ALOX5AP: variants seen among roughly 807,000 people sequenced by gnomAD.
ALOX5AP encodes arachidonate 5-lipoxygenase-activating protein.
A neutral mutation model predicts 18.5 loss-of-function variants in ALOX5AP; 9 were observed. The observed-to-expected ratio is 0.49, with a 90% confidence interval of 0.29 to 0.85. The LOEUF is 0.85. ALOX5AP is among the 40% of genes least tolerant of loss of function. The pLI is 0.08. For missense variants in ALOX5AP, 172 were observed against 202.5 expected (o/e 0.85, Z 0.91); for synonymous variants, 81 against 78.6 (o/e 1.03, Z -0.16).
At chr13:30,713,662 C>A (rs1261264056) in exon 1 of ALOX5AP, 5 of 1,197,078 alleles carry the variant, frequency 4.2e-6, no homozygotes, top group Non-Finnish European at 5.9e-6. Flanking sequence ...CTGGACAATT[C>A]TGCAAGAACT....
exon 1 of ALOX5AP, chr13:30,713,784 A>C (rs2137780025): frequency 6.5e-7 from 1 of 1,535,718 alleles, no homozygotes; most frequent in Non-Finnish European, 8.7e-7. Flanking sequence ...AAAACTTCTG[A>C]ATTTGGGAAA....
intron 4 of ALOX5AP, among the ~76,000 whole-genome samples, chr13:30,761,727 G>A (rs923593412): frequency 1.3e-5 from 2 of 152,158 alleles, no homozygotes; most frequent in African/African-American, 4.8e-5. Flanking sequence ...GGCTTATAGA[G>A]TGCCACCTTC....
chr13:30,723,942 A>C (rs1411931812), intron 1 of ALOX5AP, among the ~76,000 whole-genome samples: 1 of 152,182 alleles, frequency 6.6e-6, no homozygotes, highest in Non-Finnish European at 1.5e-5. Context: ...ATTTTATTGA[A>C]GTATAAGTTA....
At chr13:30,754,972 A>C (rs942235317) in intron 3 of ALOX5AP, among the ~76,000 whole-genome samples, 5 of 152,226 alleles carry the variant, frequency 3.3e-5, no homozygotes, top group Admixed American at 3.3e-4. Flanking sequence ...GAAGTGTTTA[A>C]ATTGCTTTTA....
chr13:30,760,133 G>A (rs556443372), intron 4 of ALOX5AP, among the ~76,000 whole-genome samples: 2 of 152,212 alleles, frequency 1.3e-5, no homozygotes, highest in South Asian at 4.1e-4. Flanking sequence ...TTTCTTTAGA[G>A]GTCACCAGGC....
At position 30,736,769 on chromosome 13, in the gene ALOX5AP, C is replaced by T. The variant is rs143846201; in HGVS notation, c.70+1094C>T. Among the ~76,000 whole-genome samples, 17 of 152,286 alleles carry T rather than the reference C, an allele frequency of 1.1e-4. No homozygotes were observed. In the East Asian group the frequency reaches 3.3e-3, roughly 29 times the overall value. ...AGAACTACACTTTGTGGCTTTCTGA[C>T]CCAAACATTTTTATACTAAATTACA... On this transcript the variant is annotated intron_variant, in intron 1 of 4. Transcript: ENST00000380490.
intron 4 of ALOX5AP, among the ~76,000 whole-genome samples, chr13:30,756,623 A>T (rs1951896433): frequency 6.6e-6 from 1 of 152,080 alleles, no homozygotes; most frequent in Non-Finnish European, 1.5e-5. Context: ...AGCCTGGCCA[A>T]CATGGTGAAA....
intron 4 of ALOX5AP, among the ~76,000 whole-genome samples, chr13:30,757,338 G>A (rs1359818009): frequency 2.6e-5 from 4 of 152,164 alleles, no homozygotes; most frequent in African/African-American, 9.7e-5. Context: ...CCGGGCTGCA[G>A]CTGGAAAAAG....
intron 3 of ALOX5AP, 140 bp from the exon 4 acceptor site, chr13:30,755,804 T>C: frequency 4.1e-6 from 3 of 726,898 alleles, no homozygotes; most frequent in Non-Finnish European, 7.1e-6. Context: ...TTCTCAGGTT[T>C]CCTCTAGCCC....
upstream of ALOX5AP, among the ~76,000 whole-genome samples, chr13:30,730,610 A>C (rs2137796871): frequency 1.3e-5 from 2 of 152,214 alleles, no homozygotes; most frequent in East Asian, 3.9e-4. Flanking sequence ...AGGGAGGGCA[A>C]CCCTGAATGG....
At chr13:30,762,736 C>T (rs904076855) in intron 4 of ALOX5AP, among the ~76,000 whole-genome samples, 2 of 152,124 alleles carry the variant, frequency 1.3e-5, no homozygotes, top group Admixed American at 6.5e-5. Flanking sequence ...CTTGGCAGTA[C>T]GAAGTTAGCT....
upstream of ALOX5AP, among the ~76,000 whole-genome samples, chr13:30,730,993 C>A (rs991120220): frequency 1.4e-5 from 2 of 143,612 alleles, no homozygotes; most frequent in African/African-American, 2.5e-5. Context: ...GCAGCATATG[C>A]ATAATTACGG....
At chr13:30,744,784 A>G (rs947261548) in intron 2 of ALOX5AP, among the ~76,000 whole-genome samples, 1 of 152,216 alleles carries the variant, frequency 6.6e-6, no homozygotes, top group Non-Finnish European at 1.5e-5. Context: ...ATCCGAATGA[A>G]TGTTATTCAA....
At chr13:30,746,928 C>T (rs542870084) in intron 2 of ALOX5AP, among the ~76,000 whole-genome samples, 2 of 152,302 alleles carry the variant, frequency 1.3e-5, no homozygotes, top group South Asian at 2.1e-4. Context: ...ATAAATGATA[C>T]TGGTGGATTA....
intron 1 of ALOX5AP, among the ~76,000 whole-genome samples, chr13:30,726,830 T>G (rs1342637995): frequency 6.6e-6 from 1 of 152,090 alleles, no homozygotes; most frequent in African/African-American, 2.4e-5. Flanking sequence ...CATACCCAGC[T>G]GACCAGTTTT....
chr13:30,754,691 G>T (rs886627355), intron 3 of ALOX5AP, among the ~76,000 whole-genome samples: 7 of 152,192 alleles, frequency 4.6e-5, no homozygotes, highest in Non-Finnish European at 1.0e-4. Flanking sequence ...CAAATTCCAC[G>T]CCTTCACTGG....
At chr13:30,753,207 A>C (rs1951866144) in intron 3 of ALOX5AP, among the ~76,000 whole-genome samples, 1 of 152,198 alleles carries the variant, frequency 6.6e-6, no homozygotes, top group Non-Finnish European at 1.5e-5. Context: ...TAGAGAGCAG[A>C]GGTGAGGCGG....
At chr13:30,742,406 C>G (rs531952282) in intron 1 of ALOX5AP, 18 of 152,320 alleles carry the variant, frequency 1.2e-4, no homozygotes, top group African/African-American at 4.1e-4. Flanking sequence ...CCCCATATGC[C>G]CCGCAGAGTT....
At chr13:30,732,042 G>T (rs1166788369), upstream of ALOX5AP, among the ~76,000 whole-genome samples, 1 of 152,206 alleles carries the variant, frequency 6.6e-6, no homozygotes, top group African/African-American at 2.4e-5. Flanking sequence ...TAATGTGCGC[G>T]CTGTAATTTA....
Sources: allele counts gnomAD v4.1 joint callset (sites outside exome capture counted in the v4.1 genomes callset), GRCh38; gene constraint gnomAD v4.1.1; transcripts MANE v1.5; gene names NCBI Gene and HGNC (gene_info 2026-07-23, HGNC 2026-07-21).